Variants in ZNF618 observed in about 807,000 individuals in gnomAD.
ZNF618 encodes the protein zinc finger protein 618.
ZNF618 carries 34 observed loss-of-function variants against 103.0 expected under a neutral mutation model. That is an observed-to-expected ratio of 0.33 (90% CI 0.25 to 0.44). The LOEUF (loss-of-function observed/expected upper bound fraction) is 0.44, where lower values mean the gene tolerates loss of function less well. Ranked by LOEUF, ZNF618 falls within the 20% of genes least tolerant of loss-of-function variation. The pLI, the probability that ZNF618 is intolerant of heterozygous loss-of-function variation, is 1.00. For missense variants in ZNF618, 1,059 were observed against 1,295.4 expected, an observed-to-expected ratio of 0.82 and a Z score of 2.80; for synonymous variants, 551 against 542.2, an observed-to-expected ratio of 1.02 and a Z score of -0.23.
chr9:113,931,314 G>A (rs751760978), intron 1 of ZNF618, among the ~76,000 whole-genome samples: 1 of 152,208 alleles, frequency 6.6e-6, no homozygotes, highest in African/African-American at 2.4e-5. Context: ...GTTTAGGAGC[G>A]TGGGGCAGGA....
intron 4 of ZNF618, among the ~76,000 whole-genome samples, chr9:113,998,746 C>T (rs191497179): frequency 6.6e-6 from 1 of 152,376 alleles, no homozygotes; most frequent in African/African-American, 2.4e-5. Flanking sequence ...TGCGGCTGCC[C>T]CTGTGCAGTG....
intron 1 of ZNF618, among the ~76,000 whole-genome samples, chr9:113,960,943 T>C (rs949753600): frequency 1.4e-4 from 22 of 152,232 alleles, no homozygotes; most frequent in African/African-American, 4.1e-4. Flanking sequence ...CCTTCCTTCA[T>C]TGGTGAAGCC....
At chr9:114,005,740 T>C (rs1841690108) in intron 6 of ZNF618, among the ~76,000 whole-genome samples, 1 of 152,176 alleles carries the variant, frequency 6.6e-6, no homozygotes, top group African/African-American at 2.4e-5. Flanking sequence ...GGACGGGACC[T>C]GATGGGGAAG....
At chr9:113,917,235 CTTTTTTT>C (rs56300784) in intron 1 of ZNF618, among the ~76,000 whole-genome samples, 1 of 74,244 alleles carries the variant, frequency 1.3e-5, no homozygotes, top group Non-Finnish European at 2.5e-5. Context: ...TCTCTCTATC[CTTTTTTT>C]TTTTTTTTTT....
In ZNF618 at chr9:114,002,623, G is replaced by T; in HGVS notation, c.512-1G>T. The T allele has an allele frequency of 6.2e-7, 1 of 1,610,240 alleles. No individual in the cohort carries two copies. ...CCATCCCTCTCTCTCTCTCTTTGCA[G>T]ACACCGAAGCCACCTCAGGGGAGGG... On this transcript the variant is annotated splice_acceptor_variant, in intron 5 of 14. Coordinates refer to ENST00000374126, the MANE Select transcript of ZNF618 (RefSeq NM_001318042.2). LOFTEE classifies it high-confidence loss of function.
chr9:113,975,026 G>T (rs1365749348), intron 2 of ZNF618, among the ~76,000 whole-genome samples: 1 of 152,170 alleles, frequency 6.6e-6, no homozygotes, highest in Non-Finnish European at 1.5e-5. Context: ...TTCAAAGCAG[G>T]TGCTCAGTAA....
At position 114,050,129 on chromosome 9, in the gene ZNF618, A is replaced by G. The variant is rs764469319; in HGVS notation, c.2827A>G (p.Met943Val). ...KRRRLLSPEDMNKLMFLKSNM... is the reference protein window; with the variant it reads ...KRRRLLSPEDVNKLMFLKSNM... ...GAGGCGGCTGCTCAGTCCAGAAGATATGAATAAACTCATGTTTCTGAAATC... is the reference window on the plus strand; with the variant it reads ...GAGGCGGCTGCTCAGTCCAGAAGATGTGAATAAACTCATGTTTCTGAAATC... Residue 943 changes from methionine (M) to valine (V), a missense_variant, in exon 15 of 15, where the codon ATG becomes GTG. By Grantham distance (21) the Met-to-Val change is conservative (BLOSUM62 1). Coordinates refer to ENST00000374126, the MANE Select transcript of ZNF618 (RefSeq NM_001318042.2). 6.3e-7 allele frequency: 1 copy of G among 1,578,574 alleles called. No individual in the cohort carries two copies. Among genetic ancestry groups the G allele is most frequent in the Non-Finnish European group, 8.6e-7 (1 of 1,162,144 alleles).
At position 114,028,944 on chromosome 9, in the gene ZNF618, G is replaced by A. The variant is rs778232960; in HGVS notation, c.1056G>A (p.Ser352=). Residue 352 remains serine, a synonymous_variant, in exon 11 of 15, where the codon TCG becomes TCA. Transcript: ENST00000374126. ...CCCAGACGTTCCGCACTCCAAATTC[G>A]GGATCTCCGGCGAGCAAGGCAACCG... is the stretch of plus-strand genomic sequence containing the variant. The part of the protein sequence containing the change: ...TQTQTFRTPN[S]GSPASKATAA... 24 of 1,550,550 alleles carry A rather than the reference G, an allele frequency of 1.5e-5. No individual in the cohort carries two copies. In the African/African-American group the frequency reaches 2.2e-4, roughly 14 times the overall value.
At chr9:113,969,273 C>T in intron 2 of ZNF618, 113 bp downstream of exon 2, 14 of 1,327,632 alleles carry the variant, frequency 1.1e-5, no homozygotes, top group Non-Finnish European at 1.5e-5. Context: ...GTGGTCCAGG[C>T]CAGCCCTCCT....
intron 1 of ZNF618, among the ~76,000 whole-genome samples, chr9:113,902,689 C>T (rs1043740047): frequency 3.3e-5 from 5 of 152,168 alleles, no homozygotes; most frequent in African/African-American, 9.7e-5. Context: ...TTGGTGCAGC[C>T]ACCACATTTT....
chr9:113,921,780 A>G (rs58063140), intron 1 of ZNF618, among the ~76,000 whole-genome samples: 4,923 of 152,278 alleles, frequency 0.032, 258 homozygotes, highest in African/African-American at 0.11. Context: ...CTTACATAAA[A>G]TATTTTTATG....
intron 12 of ZNF618, among the ~76,000 whole-genome samples, chr9:114,032,976 G>C (rs1474385639): frequency 6.6e-6 from 1 of 152,136 alleles, no homozygotes; most frequent in Non-Finnish European, 1.5e-5. Flanking sequence ...CCCATGGAGA[G>C]AGCAACACCC....
chr9:113,889,350 T>TCTCTCTCTCTCCCTCCCTCCCTCC (rs1191014933), intron 1 of ZNF618, among the ~76,000 whole-genome samples: 76 of 148,436 alleles, frequency 5.1e-4, no homozygotes, highest in East Asian at 3.1e-3. Flanking sequence ...TCTCTCTTTC[T>TCTCTCTCTCTCCCTCCCTCCCTCC]CTCCCTCCCT....
At chr9:113,977,350 G>A (rs904569290) in intron 2 of ZNF618, among the ~76,000 whole-genome samples, 37 of 152,196 alleles carry the variant, frequency 2.4e-4, no homozygotes, top group African/African-American at 8.4e-4. Flanking sequence ...AAAAGGAGTA[G>A]TTGCTAAGTC....
intron 3 of ZNF618, among the ~76,000 whole-genome samples, chr9:113,993,154 A>G (rs936134677): frequency 6.6e-6 from 1 of 152,236 alleles, no homozygotes; most frequent in African/African-American, 2.4e-5. Flanking sequence ...AAGGAAGGGC[A>G]GACCACACTT....
At chr9:113,998,476 G>A (rs1488966747) in intron 4 of ZNF618, 122 bp downstream of exon 4, 2 of 828,720 alleles carry the variant, frequency 2.4e-6, no homozygotes, top group Non-Finnish European at 3.9e-6. Flanking sequence ...AGGGTCAAGA[G>A]GGGCCACCTT....
chr9:114,030,935 T>C (rs1423390728), intron 11 of ZNF618: 1 of 152,178 alleles, frequency 6.6e-6, no homozygotes, highest in Non-Finnish European at 1.5e-5. Flanking sequence ...TGAGTACCAG[T>C]CACCCAACGT....
intron 2 of ZNF618, among the ~76,000 whole-genome samples, chr9:113,980,872 G>A (rs975849070): frequency 6.6e-6 from 1 of 152,228 alleles, no homozygotes; most frequent in African/African-American, 2.4e-5. Flanking sequence ...TAGAGTGGCA[G>A]CCACTGGAGA....
chr9:113,913,499 C>A (rs1015551232), intron 1 of ZNF618, among the ~76,000 whole-genome samples: 63 of 152,268 alleles, frequency 4.1e-4, no homozygotes, highest in African/African-American at 1.4e-3. Context: ...GGGGCGACAG[C>A]CCTACCCTTG....
Sources: gnomAD v4.1 joint callset for allele counts (sites outside exome capture counted in the v4.1 genomes callset) on GRCh38, gnomAD v4.1.1 for gene constraint, MANE v1.5 for transcripts, NCBI Gene and HGNC (gene_info 2026-07-23, HGNC 2026-07-21) for gene names.